Variants in TNNI3K observed in about 807,000 individuals in gnomAD.
TNNI3K encodes TNNI3 interacting kinase.
In TNNI3K, 140 loss-of-function variants were observed where a neutral mutation model predicts 114.5. The ratio of observed to expected loss-of-function variants is 1.22; its 90% CI spans 1.07 to 1.41. The LOEUF is 1.41. Ranked by LOEUF, TNNI3K falls within the 40% of genes most tolerant of loss-of-function variation. The probability of loss-of-function intolerance (pLI) is 0.00; values close to 1 mark genes in which losing one functional copy is unlikely to be tolerated. For missense variants in TNNI3K, 1,125 were observed against 1,007.6 expected (o/e 1.12, Z -1.58); for synonymous variants, 347 against 347.5 (o/e 1.00, Z 0.02).
chr1:74,517,194 A>T (rs1048924437), intron 23 of TNNI3K, among the ~76,000 whole-genome samples: 3 of 151,580 alleles, frequency 2.0e-5, no homozygotes, highest in Non-Finnish European at 2.9e-5. Flanking sequence ...GTAACTCTTT[A>T]AAAAAAAAGG....
At chr1:74,491,890 A>G (rs941130181) in intron 22 of TNNI3K, among the ~76,000 whole-genome samples, 2 of 152,216 alleles carry the variant, frequency 1.3e-5, no homozygotes, top group Non-Finnish European at 2.9e-5. Context: ...GCCAGCTCTC[A>G]GCACAGAACT....
intron 17 of TNNI3K, among the ~76,000 whole-genome samples, chr1:74,402,861 T>G (rs1664438361): frequency 6.6e-6 from 1 of 152,178 alleles, no homozygotes. Context: ...TCTTAAAACA[T>G]TATGAGTTTT....
At chr1:74,541,888 G>A (rs192032643) in intron 24 of TNNI3K, among the ~76,000 whole-genome samples, 27 of 152,094 alleles carry the variant, frequency 1.8e-4, no homozygotes, top group African/African-American at 6.0e-4. Flanking sequence ...TAAACTGATC[G>A]CAATATAACA....
At chr1:74,257,544 C>T (rs1484554586) in intron 4 of TNNI3K, among the ~76,000 whole-genome samples, 2 of 148,982 alleles carry the variant, frequency 1.3e-5, no homozygotes, top group African/African-American at 2.5e-5. Context: ...GTTTGTTTTT[C>T]TTTCATTTTT....
At chr1:74,385,066 T>C (rs897303457) in intron 17 of TNNI3K, among the ~76,000 whole-genome samples, 1 of 152,132 alleles carries the variant, frequency 6.6e-6, no homozygotes, top group Non-Finnish European at 1.5e-5. Context: ...ATTATCTCAA[T>C]TATGGGTTCA....
chr1:74,240,602 A>T (rs1487734908), intron 2 of TNNI3K: 2 of 152,184 alleles, frequency 1.3e-5, no homozygotes, highest in Non-Finnish European at 2.9e-5. Flanking sequence ...GGCTCTCCAC[A>T]TGTGACTTCA....
intron 6 of TNNI3K, among the ~76,000 whole-genome samples, chr1:74,335,475 C>T (rs1660417851): frequency 6.6e-6 from 1 of 152,052 alleles, no homozygotes; most frequent in Non-Finnish European, 1.5e-5. Context: ...TTTCACTGTT[C>T]AACCTCTCTC....
intron 2 of TNNI3K, among the ~76,000 whole-genome samples, chr1:74,245,838 T>A (rs1289952771): frequency 2.6e-5 from 4 of 152,116 alleles, no homozygotes; most frequent in East Asian, 3.9e-4. Flanking sequence ...ATTCCCAAAC[T>A]TTTTTTACCC....
In TNNI3K at chr1:74,512,806, T is replaced by C. The variant is rs897980672; in HGVS notation, c.2351+20540T>C. ...CCATTCTGTCTTCACTGTTGGGAGC[T>C]TCATACTGTATTCTTCAAAATGGGC... On this transcript the variant is annotated intron_variant, in intron 23 of 24. Coordinates refer to ENST00000326637, the MANE Select transcript of TNNI3K (RefSeq NM_015978.3). Among the ~76,000 whole-genome samples the C allele has an allele frequency of 4.6e-5, 7 of 152,276 alleles. No individual in the cohort carries two copies. The East Asian group carries it at 1.4e-3, about 29-fold the overall frequency.
rs769499374 is a variant in TNNI3K, at chr1:74,489,197, C to T, written c.2130C>T (p.Pro710=). 86 of 1,610,164 alleles carry T rather than the reference C, an allele frequency of 5.3e-5. No individual in the cohort carries two copies. The highest frequency in any genetic ancestry group is 6.5e-5 in the Non-Finnish European group (77 of 1,178,342). Reference sequence around the variant, plus strand: ...CTTTTTTCTATTTACAGGGAAGACCCGAATTTTCTGAAGTTGTCATGAAGT... The same window carrying T: ...CTTTTTTCTATTTACAGGGAAGACCTGAATTTTCTGAAGTTGTCATGAAGT... ...RGWNACPEGR[P]EFSEVVMKLE... The change falls in exon 22 of 25, where the codon CCC becomes CCT. Residue 710 remains proline (P), a synonymous_variant. Transcript: ENST00000326637.
intron 17 of TNNI3K, among the ~76,000 whole-genome samples, chr1:74,421,950 T>TTTA (rs137874168): frequency 0.021 from 3,076 of 145,346 alleles, 69 homozygotes; most frequent in African/African-American, 0.057. Context: ...CTGGATTGCT[T>TTTA]TTATTATTAT....
intron 7 of TNNI3K, among the ~76,000 whole-genome samples, chr1:74,342,182 A>C (rs927269322): frequency 6.6e-6 from 1 of 152,174 alleles, no homozygotes; most frequent in African/African-American, 2.4e-5. Flanking sequence ...CCCAGACGTG[A>C]GAAGAGGTTA....
intron 17 of TNNI3K, chr1:74,418,365 G>T (rs1665231741): frequency 5.7e-6 from 1 of 176,792 alleles, no homozygotes. Context: ...TTAAGAAGTT[G>T]TTATTTGGTG....
intron 5 of TNNI3K, among the ~76,000 whole-genome samples, chr1:74,275,843 A>G (rs1337475873): frequency 1.3e-5 from 2 of 152,094 alleles, no homozygotes; most frequent in African/African-American, 4.8e-5. Flanking sequence ...ACAATATATA[A>G]CACACAAGAG....
At chr1:74,421,870 G>A (rs1408317725) in intron 17 of TNNI3K, among the ~76,000 whole-genome samples, 4 of 151,876 alleles carry the variant, frequency 2.6e-5, no homozygotes, top group Non-Finnish European at 5.9e-5. Context: ...CTTTCTGAAT[G>A]CATTTTTCCA....
intron 20 of TNNI3K, among the ~76,000 whole-genome samples, chr1:74,450,750 G>A (rs910071930): frequency 6.6e-6 from 1 of 152,130 alleles, no homozygotes; most frequent in South Asian, 2.1e-4. Context: ...ACAAACAACA[G>A]ATACTGGCAA....
chr1:74,364,003 A>ATTATTG (rs1332628331), intron 11 of TNNI3K, among the ~76,000 whole-genome samples: 1 of 146,910 alleles, frequency 6.8e-6, no homozygotes, highest in African/African-American at 2.5e-5. Flanking sequence ...TATTATTATT[A>ATTATTG]TTATTATTTT....
intron 17 of TNNI3K, among the ~76,000 whole-genome samples, chr1:74,379,332 C>T (rs549557028): frequency 0.011 from 333 of 30,556 alleles, 1 homozygote; most frequent in Non-Finnish European, 0.011. Context: ...CACATACACG[C>T]GCGCACACAC....
chr1:74,331,347 G>A (rs1167622408), intron 5 of TNNI3K, 103 bp from the exon 6 acceptor site: 2 of 1,183,562 alleles, frequency 1.7e-6, no homozygotes, highest in Non-Finnish European at 2.3e-6. Flanking sequence ...GTGTTTTAGG[G>A]TGGCAACTCC....
Sources: gnomAD v4.1 joint callset for allele counts (sites outside exome capture counted in the v4.1 genomes callset) on GRCh38, gnomAD v4.1.1 for gene constraint, MANE v1.5 for transcripts, NCBI Gene and HGNC (gene_info 2026-07-23, HGNC 2026-07-21) for gene names.